The following KDM2B variants were observed in gnomAD, a reference collection of about 807,000 sequenced individuals.
KDM2B encodes the protein lysine-specific demethylase 2B.
In KDM2B, 26 loss-of-function variants were observed where a neutral mutation model predicts 150.0. The observed-to-expected ratio is 0.17, with a 90% confidence interval of 0.13 to 0.24. KDM2B has a LOEUF of 0.24. Ranked by LOEUF, KDM2B falls within the 10% of genes least tolerant of loss-of-function variation. The pLI, the probability that KDM2B is intolerant of heterozygous loss-of-function variation, is 1.00. For missense variants in KDM2B, 1,265 were observed against 1,816.9 expected (o/e 0.70, Z 5.52); for synonymous variants, 734 against 729.5 (o/e 1.01, Z -0.10).
intron 11 of KDM2B, among the ~76,000 whole-genome samples, chr12:121,506,712 C>T (rs1019381429): frequency 1.3e-5 from 2 of 151,978 alleles, no homozygotes; most frequent in South Asian, 2.1e-4. Context: ...CCGAGGCGGG[C>T]GAATCACCTG....
intron 12 of KDM2B, among the ~76,000 whole-genome samples, chr12:121,476,115 TGAAAC>T (rs1881340630): frequency 3.5e-5 from 3 of 85,860 alleles, no homozygotes; most frequent in African/African-American, 1.8e-4. Flanking sequence ...GCCAACATGG[TGAAAC>T]CCTGTCTCTA....
Position 121,442,702 on chromosome 12 carries a change from G to A in KDM2B, c.2739C>T (p.Ser913=), listed in dbSNP as rs1555288851. The A allele has an allele frequency of 6.3e-7, 1 of 1,592,716 alleles. No homozygotes were observed. The highest frequency in any genetic ancestry group is 8.5e-7 in the Non-Finnish European group (1 of 1,169,870). ...CGGTGCTGGGTCCCGCGGTGGGGGA[G>A]CTGGAGCGGGAGTGGTCGCTCTCCC... The part of the protein sequence containing the change: ...KTRESDHSRS[S]SPTAGPSTEG... Residue 913 remains serine (S), a synonymous_variant, in exon 19 of 23, where the codon AGC becomes AGT. Coordinates refer to ENST00000377071, the MANE Select transcript of KDM2B (RefSeq NM_032590.5). The surrounding 1 kb of genome is among the most constrained non-coding windows in gnomAD (Gnocchi z 7.7).
In KDM2B at chr12:121,429,818, G is replaced by C. The variant is rs1437563988; in HGVS notation, c.*470C>G. The C allele has an allele frequency of 1.8e-6, 1 of 550,346 alleles. No individual in the cohort carries two copies. The highest frequency in any genetic ancestry group is 3.4e-5 in the Admixed American group (1 of 29,424). The allele number at this position is 550,346 out of a possible 1,614,324, so 34.1% of individuals were successfully genotyped here. A position where few individuals can be genotyped will look rare whatever the true frequency, so the allele number is the denominator to read the frequency against. On this transcript the variant is annotated 3_prime_UTR_variant, in exon 23 of 23. Transcript: ENST00000377071. ...CTTTTAAACAATTTGTACAAAAATA[G>C]TTCTGCATAATGTAAGATGTAACAA...
Position 121,549,519 on chromosome 12 carries a change from C to T in KDM2B, c.517G>A (p.Val173Ile), listed in dbSNP as rs1294836348. The T allele has an allele frequency of 2.5e-6, 4 of 1,613,420 alleles. No homozygotes were observed. Among genetic ancestry groups the T allele is most frequent in the South Asian group, 1.1e-5 (1 of 91,058 alleles). The part of the protein sequence containing the change: ...PEAQRDKLYN[V>I]ISLEFSHTKL... ...GTGTGGCTGAACTCTAGGCTGATGA[C>T]GTTGTACAGCTTGTCCCGCTGGGCC... is the stretch of plus-strand genomic sequence containing the variant. The change falls in exon 5 of 23, where the codon GTC becomes ATC. Residue 173 changes from valine (V) to isoleucine (I), a missense_variant. Around this residue, in one of 11 missense-constraint regions of KDM2B, gnomAD observed 214 missense variants for 447.4 expected, o/e 0.48. Coordinates refer to ENST00000377071, the MANE Select transcript of KDM2B (RefSeq NM_032590.5). This position sits in a 1 kb window ranked among gnomAD's most constrained non-coding sequence, Gnocchi z 4.4.
In KDM2B at chr12:121,581,014, A is replaced by T; in HGVS notation, c.-103T>A. 1.4e-6 allele frequency: 2 copies of T among 1,466,610 alleles called. No homozygotes were observed. Among genetic ancestry groups the T allele is most frequent in the Non-Finnish European group, 1.8e-6 (2 of 1,091,812 alleles). The allele number at this position is 1,466,610 out of a possible 1,614,324, so 90.8% of individuals were successfully genotyped here. ...TCCCGGCACTCAAAGATGTGGACAC[A>T]CACACGTACAGGAAATACAGCCAGA... On this transcript the variant is annotated 5_prime_UTR_variant, in exon 1 of 23. Transcript: ENST00000377071.
intron 8 of KDM2B, among the ~76,000 whole-genome samples, chr12:121,530,464 GT>G (rs1248213440): frequency 1.3e-4 from 19 of 151,938 alleles, no homozygotes; most frequent in African/African-American, 4.6e-4. Flanking sequence ...CTGTTCCTAA[GT>G]TTTTTTTCAC....
intron 8 of KDM2B, among the ~76,000 whole-genome samples, chr12:121,522,429 C>T (rs1179141650): frequency 2.0e-5 from 3 of 151,076 alleles, no homozygotes; most frequent in African/African-American, 7.3e-5. Context: ...GCAGGGGAAT[C>T]GCTTGAACCC....
intron 12 of KDM2B, among the ~76,000 whole-genome samples, chr12:121,454,102 T>C (rs1268563632): frequency 1.4e-5 from 2 of 143,048 alleles, no homozygotes; most frequent in African/African-American, 2.6e-5. Flanking sequence ...TGGAAGCCCC[T>C]ACTGCCCACC....
chr12:121,538,200 G>A (rs1483110972), intron 6 of KDM2B, among the ~76,000 whole-genome samples: 1 of 152,088 alleles, frequency 6.6e-6, no homozygotes, highest in Non-Finnish European at 1.5e-5. Flanking sequence ...GGGAAGCAAC[G>A]CGGGCCGGCG....
chr12:121,572,878 T>G (rs1379963088), intron 4 of KDM2B, among the ~76,000 whole-genome samples: 1 of 146,894 alleles, frequency 6.8e-6, no homozygotes, highest in Non-Finnish European at 1.5e-5. Flanking sequence ...CAGGCTGGAG[T>G]GCAGTGGCAC....
In KDM2B at chr12:121,521,663, A is replaced by C. The variant is rs1174118894; in HGVS notation, c.932-563T>G. On this transcript the variant is annotated intron_variant, in intron 8 of 22. Coordinates refer to ENST00000377071, the MANE Select transcript of KDM2B (RefSeq NM_032590.5). This position sits in a 1 kb window ranked among gnomAD's most constrained non-coding sequence, Gnocchi z 4.9. Reference sequence around the variant, plus strand: ...CTTTCCATGTGGTCTCCTTGGTCACACAACGCCTGCATGCCCCCCTCAGCT... The same window carrying C: ...CTTTCCATGTGGTCTCCTTGGTCACCCAACGCCTGCATGCCCCCCTCAGCT... Among the ~76,000 whole-genome samples, 2 of 152,130 alleles carry C rather than the reference A, an allele frequency of 1.3e-5. No individual in the cohort carries two copies. Among genetic ancestry groups the C allele is most frequent in the Non-Finnish European group, 2.9e-5 (2 of 68,018 alleles).
At chr12:121,463,952 C>T (rs2139313228) in intron 12 of KDM2B, among the ~76,000 whole-genome samples, 1 of 152,064 alleles carries the variant, frequency 6.6e-6, no homozygotes, top group African/African-American at 2.4e-5. Flanking sequence ...TGGCCAGGCG[C>T]AGTGGCTCAT....
the KDM2B span, among the ~76,000 whole-genome samples, chr12:121,419,519 T>C: frequency 3.3e-5 from 5 of 152,190 alleles, no homozygotes; most frequent in South Asian, 4.1e-4. Context: ...CTTTTGGGTA[T>C]ACACCACCAT....
chr12:121,514,258 C>A (rs1555304535), intron 9 of KDM2B, among the ~76,000 whole-genome samples: 1 of 152,092 alleles, frequency 6.6e-6, no homozygotes, highest in African/African-American at 2.4e-5. Context: ...GGACTACTGG[C>A]GCGCGCACCA....
downstream of KDM2B, chr12:121,424,228 G>A (rs1317838076): frequency 6.5e-6 from 1 of 152,686 alleles, no homozygotes; most frequent in Non-Finnish European, 1.5e-5. Flanking sequence ...TATTAGAAGT[G>A]TGTGTGCTAA....
intron 4 of KDM2B, among the ~76,000 whole-genome samples, chr12:121,564,711 CA>C (rs1890575473): frequency 6.6e-6 from 1 of 152,064 alleles, no homozygotes. Flanking sequence ...TCCACAAAAT[CA>C]ACAAGATTCC....
intron 12 of KDM2B, among the ~76,000 whole-genome samples, chr12:121,460,962 A>G (rs781935197): frequency 1.3e-5 from 2 of 152,222 alleles, no homozygotes; most frequent in Non-Finnish European, 2.9e-5. Context: ...GAGACATGGC[A>G]CAGTTAAGTC....
intron 4 of KDM2B, among the ~76,000 whole-genome samples, chr12:121,572,593 T>C (rs1891183445): frequency 6.6e-6 from 1 of 152,198 alleles, no homozygotes; most frequent in Non-Finnish European, 1.5e-5. Flanking sequence ...CCCCACCACG[T>C]GCCATGCCAT....
At chr12:121,440,724 T>TG (rs1874868307) in intron 21 of KDM2B, 92 bp downstream of exon 21, 28 of 1,247,584 alleles carry the variant, frequency 2.2e-5, no homozygotes, top group Non-Finnish European at 3.1e-5. Context: ...CTATGTCCTT[T>TG]GGGGAACAGC....
Sources: allele counts gnomAD v4.1 joint callset (sites outside exome capture counted in the v4.1 genomes callset), GRCh38; gene constraint gnomAD v4.1.1; regional missense constraint gnomAD v4.1.1; non-coding constraint Gnocchi (gnomAD v3.1); transcripts MANE v1.5; gene names NCBI Gene and HGNC (gene_info 2026-07-23, HGNC 2026-07-21).